SUDS3: variants seen among roughly 807,000 people sequenced by gnomAD.
SUDS3 encodes the protein SIN3A corepressor complex component SDS3, also known as sin3 histone deacetylase corepressor complex component SDS3.
A neutral mutation model predicts 53.5 loss-of-function variants in SUDS3; 23 were observed. The ratio of observed to expected loss-of-function variants is 0.43; its 90% CI spans 0.31 to 0.61. The LOEUF is 0.61. SUDS3 is among the 20% of genes least tolerant of loss of function. SUDS3 has a pLI of 0.10. For synonymous variants in SUDS3, 150 were observed against 148.5 expected (o/e 1.01, Z -0.08); for missense variants, 291 against 405.9 (o/e 0.72, Z 2.43).
At chr12:118,406,859 G>C (rs1189421835) in intron 10 of SUDS3, among the ~76,000 whole-genome samples, 1 of 143,342 alleles carries the variant, frequency 7.0e-6, no homozygotes, top group Non-Finnish European at 1.5e-5. Flanking sequence ...CATACTTCTT[G>C]GTTTCATCTT....
intron 2 of SUDS3, among the ~76,000 whole-genome samples, chr12:118,382,694 G>T (rs2046077574): frequency 7.0e-6 from 1 of 143,312 alleles, no homozygotes; most frequent in Non-Finnish European, 1.5e-5. Context: ...AAGAGACAGG[G>T]TCTTGCTCTG....
At chr12:118,403,042 G>A (rs572057788) in intron 9 of SUDS3, among the ~76,000 whole-genome samples, 9 of 152,260 alleles carry the variant, frequency 5.9e-5, no homozygotes, top group African/African-American at 1.4e-4. Context: ...ACAGGTGTGC[G>A]CCACCGCACC....
intron 2 of SUDS3, among the ~76,000 whole-genome samples, chr12:118,381,538 A>G (rs1484811205): frequency 6.6e-6 from 1 of 152,094 alleles, no homozygotes; most frequent in African/African-American, 2.4e-5. Context: ...ACATGCCACC[A>G]TGCCCGGCTA....
chr12:118,398,646 G>A (rs2046237420), intron 6 of SUDS3, among the ~76,000 whole-genome samples: 1 of 111,956 alleles, frequency 8.9e-6, no homozygotes, highest in Admixed American at 1.1e-4. Context: ...AATTTTCTGT[G>A]GCACATGTAT....
chr12:118,410,998 G>A lies in SUDS3; in HGVS notation c.804-75G>A, dbSNP rs1198141575. On this transcript the variant is annotated intron_variant, in intron 10 of 11. Coordinates refer to ENST00000543473, the MANE Select transcript of SUDS3 (RefSeq NM_022491.3). ...TAATTATAATTTTTGTTGTGATGGT[G>A]TTTTTGTTTTGTTTGGTTTTTACTT... 1.1e-5 allele frequency: 13 copies of A among 1,196,074 alleles called. No homozygotes were observed. In the East Asian group the frequency reaches 3.1e-4, roughly 28 times the overall value. 74.1% of individuals were successfully genotyped at this position (1,196,074 alleles called of 1,614,324 possible).
intron 2 of SUDS3, among the ~76,000 whole-genome samples, chr12:118,382,183 G>A (rs1297244683): frequency 6.6e-6 from 1 of 151,982 alleles, no homozygotes; most frequent in Non-Finnish European, 1.5e-5. Flanking sequence ...GGGACTACAG[G>A]CATGCGCCAC....
At position 118,403,462 on chromosome 12, in the gene SUDS3, G is replaced by A. The variant is rs942554767; in HGVS notation, c.748G>A (p.Ala250Thr). 1.1e-5 allele frequency: 18 copies of A among 1,613,626 alleles called. No homozygotes were observed. In the African/African-American group the frequency reaches 2.0e-4, roughly 18 times the overall value. Residue 250 changes from alanine (A) to threonine (T), a missense_variant, in exon 10 of 12, where the codon GCC (alanine) becomes ACC (threonine). Coordinates refer to ENST00000543473, the MANE Select transcript of SUDS3 (RefSeq NM_022491.3). ...HLPATPAESP[A>T]QRFEARIEDG... Reference sequence around the variant, plus strand: ...GCCTGCAACACCCGCGGAATCTCCAGCCCAGAGGTTCGAAGCTCGGATAGA... The same window carrying A: ...GCCTGCAACACCCGCGGAATCTCCAACCCAGAGGTTCGAAGCTCGGATAGA...
intron 3 of SUDS3, among the ~76,000 whole-genome samples, chr12:118,385,331 A>G (rs2046105378): frequency 1.3e-5 from 2 of 151,446 alleles, no homozygotes; most frequent in African/African-American, 4.9e-5. Flanking sequence ...CTGGTCTTGA[A>G]CTCCTGAACT....
At chr12:118,393,250 A>G (rs116768239) in intron 6 of SUDS3, among the ~76,000 whole-genome samples, 2,113 of 152,326 alleles carry the variant, frequency 0.014, 54 homozygotes, top group African/African-American at 0.048. Context: ...TTGATGCCCA[A>G]TATCATTGTT....
chr12:118,406,994 T>C (rs948252855), intron 10 of SUDS3, among the ~76,000 whole-genome samples: 3 of 151,580 alleles, frequency 2.0e-5, no homozygotes, highest in Non-Finnish European at 4.4e-5. Flanking sequence ...TCCCCCTGGC[T>C]CAAGCGATCT....
At chr12:118,398,733 T>G (rs899982146) in intron 6 of SUDS3, among the ~76,000 whole-genome samples, 3 of 150,514 alleles carry the variant, frequency 2.0e-5, no homozygotes, top group East Asian at 2.0e-4. Flanking sequence ...ATTGTGTGCA[T>G]AATCACAAAT....
chr12:118,378,065 C>T (rs2046018110), intron 1 of SUDS3, among the ~76,000 whole-genome samples: 1 of 152,224 alleles, frequency 6.6e-6, no homozygotes, highest in African/African-American at 2.4e-5. Context: ...AGCACTTGCA[C>T]TTCATCTCAT....
At chr12:118,390,177 T>C (rs1448666822) in intron 5 of SUDS3, among the ~76,000 whole-genome samples, 1 of 152,226 alleles carries the variant, frequency 6.6e-6, no homozygotes, top group Non-Finnish European at 1.5e-5. Context: ...CCCTAACTGC[T>C]TATTGACTTC....
intron 11 of SUDS3, among the ~76,000 whole-genome samples, chr12:118,412,351 C>T (rs1199715961): frequency 6.6e-6 from 1 of 152,214 alleles, no homozygotes; most frequent in African/African-American, 2.4e-5. Context: ...CGTGCCAGTG[C>T]ACAGTAAATG....
At chr12:118,385,825 T>G (rs1356753729) in intron 3 of SUDS3, among the ~76,000 whole-genome samples, 1 of 152,184 alleles carries the variant, frequency 6.6e-6, no homozygotes. Context: ...GCCCGTTGAT[T>G]CAGACTGTTG....
chr12:118,407,419 G>A (rs1393056606), intron 10 of SUDS3, among the ~76,000 whole-genome samples: 1 of 152,126 alleles, frequency 6.6e-6, no homozygotes, highest in Admixed American at 6.5e-5. Context: ...ACCAATGGTG[G>A]ACATTCAGGC....
At chr12:118,388,794 C>A (rs991360163) in intron 4 of SUDS3, among the ~76,000 whole-genome samples, 8 of 152,134 alleles carry the variant, frequency 5.3e-5, no homozygotes. Context: ...GAGCCTCTGT[C>A]CTATGGATTA....
At chr12:118,379,543 C>T (rs2046034597) in intron 1 of SUDS3, among the ~76,000 whole-genome samples, 1 of 152,188 alleles carries the variant, frequency 6.6e-6, no homozygotes, top group South Asian at 2.1e-4. Flanking sequence ...ACGGGAGGTG[C>T]AGTAACCACT....
At chr12:118,397,529 G>A (rs1166938187) in intron 6 of SUDS3, among the ~76,000 whole-genome samples, 1 of 152,168 alleles carries the variant, frequency 6.6e-6, no homozygotes, top group Non-Finnish European at 1.5e-5. Flanking sequence ...TGTGATACAT[G>A]TTGATCATGG....
Sources: allele counts gnomAD v4.1 joint callset (sites outside exome capture counted in the v4.1 genomes callset), GRCh38; gene constraint gnomAD v4.1.1; transcripts MANE v1.5; gene names NCBI Gene and HGNC (gene_info 2026-07-23, HGNC 2026-07-21).